Variants in LAMA5 observed in about 807,000 individuals in gnomAD.
LAMA5 encodes the protein laminin subunit alpha-5.
A neutral mutation model predicts 433.4 loss-of-function variants in LAMA5; 260 were observed. The observed-to-expected ratio is 0.60, with a 90% CI of 0.54 to 0.66. LAMA5 has a LOEUF of 0.66. Ranked by LOEUF, LAMA5 falls within the 30% of genes least tolerant of loss-of-function variation. LAMA5 has a pLI of 0.00. For synonymous variants in LAMA5, 2,620 were observed against 2,226.6 expected (o/e 1.18, Z -4.97); for missense variants, 5,378 against 5,258.5 (o/e 1.02, Z -0.70).
In LAMA5 at chr20:62,316,949, A is replaced by G; in HGVS notation, c.7586T>C (p.Leu2529Pro). The change falls in exon 56 of 80, where the codon CTG (leucine) becomes CCG (proline). Residue 2529 changes from leucine to proline, a missense_variant. Leu to Pro is a moderately conservative substitution (Grantham distance 98). Transcript: ENST00000252999. ...IEASNAYSRI[L>P]QAVQAAEDAA... ...ATCCTCGGCAGCCTGCACGGCCTGCAGGATGCGGCTGTAGGCGTTGGAGGC... is the reference window on the plus strand; with the variant it reads ...ATCCTCGGCAGCCTGCACGGCCTGCGGGATGCGGCTGTAGGCGTTGGAGGC... The G allele has an allele frequency of 6.4e-7, 1 of 1,569,190 alleles. No individual in the cohort carries two copies. Among genetic ancestry groups the G allele is most frequent in the Non-Finnish European group, 8.7e-7 (1 of 1,153,526 alleles).
Position 62,310,604 on chromosome 20 carries a change from C to T in LAMA5, c.10447-32G>A, listed in dbSNP as rs772538303. On this transcript the variant is annotated intron_variant, in intron 75 of 79. Coordinates refer to ENST00000252999, the MANE Select transcript of LAMA5 (RefSeq NM_005560.6). ...GAGCAGACCGGGCAGGGATCAGGGCCCAGGGCAGCTGAAAGGGAACAGTGG... is the reference window on the plus strand; with the variant it reads ...GAGCAGACCGGGCAGGGATCAGGGCTCAGGGCAGCTGAAAGGGAACAGTGG... The T allele has an allele frequency of 2.5e-6, 4 of 1,576,930 alleles. 1 individual carries two copies. Among genetic ancestry groups the T allele is most frequent in the East Asian group, 2.2e-5 (1 of 44,706 alleles).
intron 60 of LAMA5, 27 bp downstream of exon 60, chr20:62,314,772 C>T (rs145491270): frequency 2.8e-5 from 45 of 1,612,834 alleles, no homozygotes; most frequent in Admixed American, 6.7e-5. Flanking sequence ...TCCCTGATGT[C>T]CACCTTCCCC....
intron 50 of LAMA5, among the ~76,000 whole-genome samples, chr20:62,320,260 G>A (rs564743753): frequency 1.5e-5 from 2 of 135,588 alleles, no homozygotes; most frequent in Admixed American, 1.8e-4. Context: ...AGAGGTTATG[G>A]TAAGCCGAGA....
At chr20:62,325,640 G>A (rs1979164405) in intron 40 of LAMA5, 94 bp from the exon 41 acceptor site, 1 of 803,034 alleles carries the variant, frequency 1.2e-6, no homozygotes. Flanking sequence ...GGGGATGGAG[G>A]GGCACAAAGA....
In LAMA5 at chr20:62,318,540, G is replaced by C; in HGVS notation, c.7153C>G (p.Arg2385Gly). 1 of 1,609,990 alleles carries C rather than the reference G, an allele frequency of 6.2e-7. No homozygotes were observed. The highest frequency in any genetic ancestry group is 8.5e-7 in the Non-Finnish European group (1 of 1,179,076). Residue 2385 changes from arginine (R) to glycine (G), a missense_variant, in exon 53 of 80, where the codon CGA becomes GGA. By Grantham distance (125) the Arg-to-Gly change is moderately radical. Transcript: ENST00000252999. ...AQHEAGLMDL[R>G]EALNRAVDAT... ...TCCACTGCCCGGTTCAAAGCCTCTCGCAGGTCCATGAGGCCGGCCTCGTGC... is the reference window on the plus strand; with the variant it reads ...TCCACTGCCCGGTTCAAAGCCTCTCCCAGGTCCATGAGGCCGGCCTCGTGC...
chr20:62,363,094 T>C lies in LAMA5; in HGVS notation c.298-542A>G, dbSNP rs543783900. ...CAAGCCAGGGGGCGGAAGGGGGAGC[T>C]GCAGACAGAAGGACCGTCAGGGCCG... On this transcript the variant is annotated intron_variant, in intron 1 of 79. Coordinates refer to ENST00000252999, the MANE Select transcript of LAMA5 (RefSeq NM_005560.6). Among the ~76,000 whole-genome samples the C allele has an allele frequency of 1.6e-3, 249 of 151,994 alleles. 1 individual carries two copies. Among genetic ancestry groups the C allele is most frequent in the African/African-American group, 5.8e-3 (242 of 41,432 alleles).
chr20:62,327,115 C>T (rs1979433982), intron 38 of LAMA5, 118 bp downstream of exon 38: 1 of 1,166,188 alleles, frequency 8.6e-7, no homozygotes, highest in Non-Finnish European at 1.2e-6. Context: ...GCCTGGGCAC[C>T]CTCACGGACC....
chr20:62,310,214 C>A lies in LAMA5; in HGVS notation c.10698G>T (p.Thr3566=). 1 of 1,612,542 alleles carries A rather than the reference C, an allele frequency of 6.2e-7. No homozygotes were observed. Among genetic ancestry groups the A allele is most frequent in the Non-Finnish European group, 8.5e-7 (1 of 1,179,938 alleles). Reference sequence around the variant, plus strand: ...TCACCTGCAACTGCAAGTAGGGGGGCGTCCGGGCCTGGCCCAAGTGGAAGA... The same window carrying A: ...TCACCTGCAACTGCAAGTAGGGGGGAGTCCGGGCCTGGCCCAAGTGGAAGA... ...GLIFHLGQAR[T]PPYLQLQVTE... is the part of the protein sequence containing the mutation. The change falls in exon 77 of 80, where the codon ACG becomes ACT. Residue 3566 remains threonine, a synonymous_variant. Transcript: ENST00000252999.
chr20:62,345,966 C>G (rs138401267), intron 10 of LAMA5, 89 bp from the exon 11 acceptor site: 1 of 1,572,318 alleles, frequency 6.4e-7, no homozygotes, highest in African/African-American at 1.3e-5. Context: ...TCAGCACAAT[C>G]GGAGATGCAG....
At position 62,359,809 on chromosome 20, in the gene LAMA5, C is replaced by A. The variant is rs1985761084; in HGVS notation, c.450+2591G>T. On this transcript the variant is annotated intron_variant, in intron 2 of 79. Transcript: ENST00000252999. The surrounding 1 kb of genome is among the most constrained non-coding windows in gnomAD (Gnocchi z 4.3). ...GGGTGGACACCACAGGGACTAGTCT[C>A]CCCTCCCCTGCGCCAGCCCCTGCCC... is the stretch of plus-strand genomic sequence containing the variant. 6.6e-6 allele frequency among the ~76,000 whole-genome samples: 1 copy of A among 152,016 alleles called. No homozygotes were observed. The highest frequency in any genetic ancestry group is 1.5e-5 in the Non-Finnish European group (1 of 67,962).
chr20:62,349,959 T>TAA (rs1984044671), intron 6 of LAMA5, among the ~76,000 whole-genome samples: 1 of 149,390 alleles, frequency 6.7e-6, no homozygotes, highest in East Asian at 2.0e-4. Flanking sequence ...GGAGGAGAGG[T>TAA]GGGGTGGCGG....
chr20:62,345,589 T>C (rs1983235396), intron 11 of LAMA5: 3 of 665,512 alleles, frequency 4.5e-6, no homozygotes, highest in South Asian at 3.1e-5. Context: ...GTATTTGCTG[T>C]AGAGACAGGG....
chr20:62,335,662 G>A (rs1273900919), intron 18 of LAMA5, among the ~76,000 whole-genome samples: 157 of 91,694 alleles, frequency 1.7e-3, no homozygotes, highest in Middle Eastern at 0.022. Context: ...GCACACTCAC[G>A]GGTGCAGCCC....
In LAMA5 at chr20:62,353,146, G is replaced by C; in HGVS notation, c.556C>G (p.Gln186Glu). ...GGCAGAGACTCACAGGCAAAGAACT[G>C]CCAGGGCTGGTAGGTGCGGCCGAAG... is the stretch of plus-strand genomic sequence containing the variant. The part of the protein sequence containing the change: ...MDFGRTYQPW[Q>E]FFASSKRDCL... Residue 186 changes from glutamine to glutamate, a missense_variant, in exon 3 of 80, where the codon CAG becomes GAG. Physicochemically the swap from Gln to Glu is conservative, Grantham distance 29. Coordinates refer to ENST00000252999, the MANE Select transcript of LAMA5 (RefSeq NM_005560.6). 6.3e-7 allele frequency: 1 copy of C among 1,575,026 alleles called. No individual in the cohort carries two copies. Among genetic ancestry groups the C allele is most frequent in the Non-Finnish European group, 8.6e-7 (1 of 1,160,524 alleles).
In LAMA5 at chr20:62,311,513, A is replaced by C. The variant is rs971896544; in HGVS notation, c.9830T>G (p.Phe3277Cys). Reference sequence around the variant, plus strand: ...GCTGCCCAGGTTCTGCTGCAGATCAAATACGCGCTGTGGGCCCAGGAGCCT... The same window carrying C: ...GCTGCCCAGGTTCTGCTGCAGATCACATACGCGCTGTGGGCCCAGGAGCCT... ...VQRLLGPQRV[F>C]DLQQNLGSVN... The change falls in exon 72 of 80, where the codon TTT (phenylalanine) becomes TGT (cysteine). Residue 3277 changes from phenylalanine to cysteine, a missense_variant. Phe to Cys is a radical substitution (Grantham distance 205). Coordinates refer to ENST00000252999, the MANE Select transcript of LAMA5 (RefSeq NM_005560.6). 7 of 1,611,152 alleles carry C rather than the reference A, an allele frequency of 4.3e-6. No individual in the cohort carries two copies. The highest frequency in any genetic ancestry group is 1.3e-5 in the African/African-American group (1 of 74,882).
Position 62,328,461 on chromosome 20 carries a change from A to G in LAMA5, c.4448-16T>C. The G allele has an allele frequency of 6.8e-7, 1 of 1,474,762 alleles. No individual in the cohort carries two copies. The highest frequency in any genetic ancestry group is 9.0e-7 in the Non-Finnish European group (1 of 1,105,940). 91.4% of individuals were successfully genotyped at this position (1,474,762 alleles called of 1,614,324 possible). The stretch of plus-strand genomic sequence containing the variant: ...CAGTCACAGGCTGTGGGGCGGGTAC[A>G]GGGTTTACTGACCCCTCTTCCCAGT... On this transcript the variant is annotated splice_polypyrimidine_tract_variant and intron_variant, in intron 34 of 79. Coordinates refer to ENST00000252999, the MANE Select transcript of LAMA5 (RefSeq NM_005560.6).
intron 2 of LAMA5, among the ~76,000 whole-genome samples, chr20:62,355,002 G>A (rs1037088753): frequency 3.3e-5 from 5 of 152,214 alleles, no homozygotes; most frequent in Non-Finnish European, 7.4e-5. Flanking sequence ...CAGCACAGGT[G>A]TGGCCTGCCT....
At chr20:62,329,994 G>A (rs887095342) in intron 31 of LAMA5, 78 bp from the exon 32 acceptor site, 45 of 1,534,440 alleles carry the variant, frequency 2.9e-5, no homozygotes, top group East Asian at 4.7e-5. Flanking sequence ...AGATGGCAGC[G>A]TTGGGGCAGC....
rs768236510 is a variant in LAMA5 at position 62,331,108 on chromosome 20, T to C, written c.3574A>G (p.Ile1192Val). ...FFLHGVTLVPIEEFSPEFVEP... is the reference protein window; with the variant it reads ...FFLHGVTLVPVEEFSPEFVEP... ...ACGAACTCCGGGCTGAACTCCTCAATGGGCACCAGAGTGACCCCGTGCTGC... is the reference window on the plus strand; with the variant it reads ...ACGAACTCCGGGCTGAACTCCTCAACGGGCACCAGAGTGACCCCGTGCTGC... The change falls in exon 29 of 80, where the codon ATT becomes GTT. Residue 1192 changes from isoleucine to valine, a missense_variant. Coordinates refer to ENST00000252999, the MANE Select transcript of LAMA5 (RefSeq NM_005560.6). The C allele has an allele frequency of 2.5e-6, 4 of 1,597,230 alleles. No individual in the cohort carries two copies. The highest frequency in any genetic ancestry group is 3.4e-5 in the Admixed American group (2 of 57,998).
Sources: gnomAD v4.1 joint callset for allele counts (sites outside exome capture counted in the v4.1 genomes callset) on GRCh38, gnomAD v4.1.1 for gene constraint, Gnocchi (gnomAD v3.1) non-coding constraint, MANE v1.5 for transcripts, NCBI Gene and HGNC (gene_info 2026-07-23, HGNC 2026-07-21) for gene names.